ARID5B: variants seen among roughly 807,000 people sequenced by gnomAD.
ARID5B encodes the protein AT-rich interaction domain 5B, also known as AT-rich interactive domain-containing protein 5B.
Under a neutral mutation model 97.2 loss-of-function variants are expected in ARID5B, and 13 were observed. The observed-to-expected ratio is 0.13, with a 90% CI of 0.09 to 0.21. The LOEUF is 0.21. Ranked by LOEUF, ARID5B falls within the 10% of genes least tolerant of loss-of-function variation. ARID5B has a pLI of 1.00. For missense variants in ARID5B, 1,210 were observed against 1,465.3 expected (o/e 0.83, Z 2.84); for synonymous variants, 556 against 570.3 (o/e 0.97, Z 0.36).
chr10:61,957,804 A>C (rs1838413526), intron 3 of ARID5B, among the ~76,000 whole-genome samples: 1 of 152,206 alleles, frequency 6.6e-6, no homozygotes, highest in South Asian at 2.1e-4. Context: ...TATGTGTCTC[A>C]CTTTATATTT....
intron 2 of ARID5B, among the ~76,000 whole-genome samples, chr10:61,938,816 T>C (rs942181491): frequency 2.6e-5 from 4 of 151,998 alleles, no homozygotes; most frequent in African/African-American, 9.7e-5. Flanking sequence ...TAATAGACTT[T>C]CTTCTCAGAA....
chr10:62,031,802 G>A (rs1449917177), intron 4 of ARID5B, among the ~76,000 whole-genome samples: 1 of 152,150 alleles, frequency 6.6e-6, no homozygotes, highest in African/African-American at 2.4e-5. Flanking sequence ...TGAGCCCAGA[G>A]TTGCCAGATC....
At chr10:61,939,894 C>T (rs879613473) in intron 2 of ARID5B, among the ~76,000 whole-genome samples, 39 of 152,222 alleles carry the variant, frequency 2.6e-4, no homozygotes, top group Non-Finnish European at 5.1e-4. Context: ...AGAGTGTGAA[C>T]TTGGGCAACC....
intron 3 of ARID5B, among the ~76,000 whole-genome samples, chr10:61,963,257 C>T (rs1589237136): frequency 6.6e-6 from 1 of 152,144 alleles, no homozygotes; most frequent in Non-Finnish European, 1.5e-5. Context: ...AAAAAGACAA[C>T]AGTGAAAGGC....
At chr10:61,927,910 C>G (rs954446782) in intron 2 of ARID5B, among the ~76,000 whole-genome samples, 17 of 152,192 alleles carry the variant, frequency 1.1e-4, no homozygotes, top group Non-Finnish European at 2.2e-4. Flanking sequence ...CCTTTCTTTT[C>G]TCTGCTTTCT....
At chr10:61,942,131 A>T (rs1429740178) in intron 3 of ARID5B, among the ~76,000 whole-genome samples, 1 of 152,232 alleles carries the variant, frequency 6.6e-6, no homozygotes, top group Non-Finnish European at 1.5e-5. Context: ...TATAAACAAG[A>T]GTATTTATAG....
chr10:61,931,451 G>A (rs985082589), intron 2 of ARID5B, among the ~76,000 whole-genome samples: 1 of 152,008 alleles, frequency 6.6e-6, no homozygotes, highest in South Asian at 2.1e-4. Context: ...GATAGGCAAA[G>A]AGTTCATAGA....
chr10:62,093,220 GACT>G lies in ARID5B; in HGVS notation c.*191_*193del. The G allele has an allele frequency of 1.3e-6, 1 of 789,876 alleles. No homozygotes were observed. The highest frequency in any genetic ancestry group is 2.1e-5 in the South Asian group (1 of 46,812). The allele number at this position is 789,876 out of a possible 1,614,324, so 48.9% of individuals were successfully genotyped here. On this transcript the variant is annotated 3_prime_UTR_variant, in exon 10 of 10. Transcript: ENST00000279873. Reference sequence around the variant, plus strand: ...GTGGGACAACTCTAGCCCACAAACTGACTGGCTGGTGAGTCTTGACTCCCTTCC... The same window carrying G: ...GTGGGACAACTCTAGCCCACAAACTGGGCTGGTGAGTCTTGACTCCCTTCC...
In ARID5B at chr10:62,049,340, G is replaced by A. The variant is rs910190031; in HGVS notation, c.734-1548G>A. On this transcript the variant is annotated intron_variant, in intron 4 of 9. Coordinates refer to ENST00000279873, the MANE Select transcript of ARID5B (RefSeq NM_032199.3). Reference sequence around the variant, plus strand: ...GGGGGAGGGGAGTTGTAAGCAGAGCGCTGAGCCTCGCAGCTCGCATTCGGA... The same window carrying A: ...GGGGGAGGGGAGTTGTAAGCAGAGCACTGAGCCTCGCAGCTCGCATTCGGA... 65 of 1,528,614 alleles carry A rather than the reference G, an allele frequency of 4.3e-5. No individual in the cohort carries two copies. The African/African-American group carries it at 7.1e-4, about 17-fold the overall frequency. The allele number at this position is 1,528,614 out of a possible 1,614,324, so 94.7% of individuals were successfully genotyped here.
At chr10:61,929,794 A>T (rs1390900642) in intron 2 of ARID5B, among the ~76,000 whole-genome samples, 1 of 152,240 alleles carries the variant, frequency 6.6e-6, no homozygotes, top group African/African-American at 2.4e-5. Flanking sequence ...ACCTGGCTGT[A>T]AAAGGAAGCA....
intron 3 of ARID5B, among the ~76,000 whole-genome samples, chr10:61,968,187 TACACACACACAC>T (rs33990104): frequency 7.2e-6 from 1 of 138,190 alleles, no homozygotes; most frequent in Admixed American, 7.5e-5. Flanking sequence ...CACATATTTA[TACACACACACAC>T]ACACACACAC....
At chr10:62,009,151 G>A (rs1475801029) in intron 4 of ARID5B, among the ~76,000 whole-genome samples, 1 of 152,200 alleles carries the variant, frequency 6.6e-6, no homozygotes, top group African/African-American at 2.4e-5. Flanking sequence ...TTGCTGGCTG[G>A]CGTGGGCCTT....
chr10:62,031,251 C>A (rs1447657224), intron 4 of ARID5B, among the ~76,000 whole-genome samples: 2 of 152,146 alleles, frequency 1.3e-5, no homozygotes, highest in African/African-American at 4.8e-5. Flanking sequence ...GAGAGTAAAT[C>A]TGATCTGGCA....
intron 8 of ARID5B, among the ~76,000 whole-genome samples, chr10:62,072,135 TAAG>T (rs890169212): frequency 1.3e-5 from 2 of 151,956 alleles, no homozygotes; most frequent in Non-Finnish European, 2.9e-5. Flanking sequence ...AGGTCCCTGG[TAAG>T]AAGGAGTCAC....
intron 2 of ARID5B, among the ~76,000 whole-genome samples, chr10:61,908,799 C>CAAAAAAAAAA (rs369792859): frequency 7.9e-4 from 40 of 50,928 alleles, no homozygotes; most frequent in Non-Finnish European, 9.7e-4. Flanking sequence ...GACTCCATCT[C>CAAAAAAAAAA]AAAAAAAAAA....
intron 2 of ARID5B, among the ~76,000 whole-genome samples, 168 bp from the exon 3 acceptor site, chr10:61,940,015 T>C (rs902564420): frequency 6.6e-6 from 1 of 152,192 alleles, no homozygotes; most frequent in African/African-American, 2.4e-5. Context: ...GAAAAACCAT[T>C]GAAATGAAGT....
chr10:61,940,714 A>G (rs1844384359), intron 3 of ARID5B, among the ~76,000 whole-genome samples: 1 of 151,592 alleles, frequency 6.6e-6, no homozygotes, highest in Non-Finnish European at 1.5e-5. Context: ...ATTAATGAAG[A>G]GTTTAAATAC....
At chr10:62,006,335 G>A (rs572243432) in intron 4 of ARID5B, among the ~76,000 whole-genome samples, 25 of 152,214 alleles carry the variant, frequency 1.6e-4, no homozygotes, top group African/African-American at 2.4e-4. Flanking sequence ...CCATCTACTC[G>A]GGAGGCTGAG....
chr10:61,925,221 G>C (rs1193523875), intron 2 of ARID5B, among the ~76,000 whole-genome samples: 1 of 151,960 alleles, frequency 6.6e-6, no homozygotes, highest in Non-Finnish European at 1.5e-5. Flanking sequence ...AAAATTAAAT[G>C]GTCAAAAAAA....
Sources: allele counts gnomAD v4.1 joint callset (sites outside exome capture counted in the v4.1 genomes callset), GRCh38; gene constraint gnomAD v4.1.1; transcripts MANE v1.5; gene names NCBI Gene and HGNC (gene_info 2026-07-23, HGNC 2026-07-21).